PLB1: variants seen among roughly 807,000 people sequenced by gnomAD.
PLB1 encodes phospholipase B1.
A neutral mutation model predicts 227.4 loss-of-function variants in PLB1; 242 were observed. The observed-to-expected ratio is 1.06, with a 90% CI of 0.96 to 1.18. The LOEUF (loss-of-function observed/expected upper bound fraction) is 1.18, where lower values mean the gene tolerates loss of function less well. Ranked by LOEUF, PLB1 falls within the 50% of genes most tolerant of loss-of-function variation. The pLI is 0.00. For synonymous variants in PLB1, 757 were observed against 682.2 expected, an observed-to-expected ratio of 1.11 and a Z score of -1.71; for missense variants, 1,858 against 1,816.3, an observed-to-expected ratio of 1.02 and a Z score of -0.42.
intron 14 of PLB1, among the ~76,000 whole-genome samples, chr2:28,547,754 C>A (rs10865501): frequency 0.88 from 134,663 of 152,212 alleles, 59,905 homozygotes; most frequent in East Asian, 0.99. Context: ...AGGAAATAGC[C>A]CGTGCAGAAG....
At position 28,604,028 on chromosome 2, in the gene PLB1, C is replaced by A. The variant is rs746256624; in HGVS notation, c.2837C>A (p.Ala946Asp). 1 of 1,614,020 alleles carries A rather than the reference C, an allele frequency of 6.2e-7. No individual in the cohort carries two copies. Residue 946 changes from alanine to aspartate, a missense_variant, in exon 40 of 58, where the codon GCC (alanine) becomes GAC (aspartate). Physicochemically the swap from Ala to Asp is moderately radical, Grantham distance 126. Transcript: ENST00000327757. ...TCCCAAGAGCTAGCCAGGCTGGAGG[C>A]CTTCAGCCGAGCCTACCGGGTAAGA... ...ENSQELARLE[A>D]FSRAYRSSMR... is the part of the protein sequence containing the mutation.
chr2:28,600,986 G>A (rs949778923), intron 36 of PLB1, 126 bp downstream of exon 36: 25 of 891,730 alleles, frequency 2.8e-5, no homozygotes, highest in Admixed American at 2.6e-4. Context: ...AGCAGTGGTC[G>A]GACAGCCCCC....
At chr2:28,632,276 C>A in intron 55 of PLB1, 136 bp downstream of exon 55, 1 of 674,932 alleles carries the variant, frequency 1.5e-6, no homozygotes, top group Non-Finnish European at 2.5e-6. Context: ...TGGCTTTTTC[C>A]ACATTACCTC....
chr2:28,554,050 A>T (rs1057399398), intron 17 of PLB1, among the ~76,000 whole-genome samples: 5 of 152,126 alleles, frequency 3.3e-5, no homozygotes, highest in African/African-American at 1.2e-4. Context: ...TCGGTATATA[A>T]CTGACTCTTG....
chr2:28,633,721 A>C (rs1688970254), intron 56 of PLB1, among the ~76,000 whole-genome samples: 1 of 152,236 alleles, frequency 6.6e-6, no homozygotes. Flanking sequence ...GGCCACCAGC[A>C]ACTGAATGGT....
At chr2:28,567,469 C>CTTTTTTTTTTTTTTTTTTTTTTTTTTTTT (rs57787583) in intron 20 of PLB1, among the ~76,000 whole-genome samples, 2 of 108,088 alleles carry the variant, frequency 1.9e-5, no homozygotes, top group Non-Finnish European at 3.5e-5. Context: ...ATTTCTTTCT[C>CTTTTTTTTTTTTTTTTTTTTTTTTTTTTT]TTTTTTTTTT....
chr2:28,531,783 T>G (rs1430190035), intron 8 of PLB1, among the ~76,000 whole-genome samples: 2 of 152,242 alleles, frequency 1.3e-5, no homozygotes, highest in African/African-American at 2.4e-5. Context: ...TTTTTCCTTC[T>G]TATGCATAAG....
intron 49 of PLB1, among the ~76,000 whole-genome samples, chr2:28,622,453 C>T: frequency 6.6e-6 from 1 of 152,200 alleles, no homozygotes; most frequent in South Asian, 2.1e-4. Context: ...ACCAAAAAAG[C>T]AGTACAGTAC....
intron 43 of PLB1, among the ~76,000 whole-genome samples, chr2:28,609,570 A>T (rs35720543): frequency 6.6e-6 from 1 of 152,116 alleles, no homozygotes; most frequent in African/African-American, 2.4e-5. Context: ...TGAATTACAT[A>T]TAAGTGACAT....
intron 35 of PLB1, 33 bp downstream of exon 35, chr2:28,598,793 A>G: frequency 1.3e-6 from 2 of 1,563,858 alleles, no homozygotes; most frequent in Non-Finnish European, 1.8e-6. Flanking sequence ...GAGCCTGCAG[A>G]GCAGGGAGTG....
At chr2:28,628,660 G>A (rs754584166) in intron 52 of PLB1, 32 bp downstream of exon 52, 12 of 1,602,774 alleles carry the variant, frequency 7.5e-6, no homozygotes, top group East Asian at 6.7e-5. Flanking sequence ...CCTGGGTCCC[G>A]CCAGCCACCT....
intron 11 of PLB1, among the ~76,000 whole-genome samples, chr2:28,539,461 T>C (rs1672165212): frequency 6.6e-6 from 1 of 152,214 alleles, no homozygotes; most frequent in African/African-American, 2.4e-5. Flanking sequence ...GCCAGAGTGA[T>C]TTCAGAGTTC....
chr2:28,558,431 A>G (rs1470914621), intron 17 of PLB1, among the ~76,000 whole-genome samples: 2 of 152,188 alleles, frequency 1.3e-5, no homozygotes, highest in Non-Finnish European at 2.9e-5. Context: ...AAACCACTCT[A>G]GAGTTGGAGG....
Position 28,598,042 on chromosome 2 carries a change from T to C in PLB1, c.2359T>C (p.Leu787=). The C allele has an allele frequency of 1.2e-6, 2 of 1,612,772 alleles. No individual in the cohort carries two copies. Among genetic ancestry groups the C allele is most frequent in the Non-Finnish European group, 1.7e-6 (2 of 1,179,038 alleles). ...CGGCTCCCTGGAGAATGTGACCACC[T>C]TACCTAGTAAGTAACCATCAGGGGC... ...GDGSLENVTT[L]PNILREFNRN... The change falls in exon 34 of 58, where the codon TTA becomes CTA. Residue 787 remains leucine, a synonymous_variant. Transcript: ENST00000327757.
intron 20 of PLB1, among the ~76,000 whole-genome samples, chr2:28,570,109 T>C (rs1677759497): frequency 6.6e-6 from 1 of 152,112 alleles, no homozygotes; most frequent in Non-Finnish European, 1.5e-5. Flanking sequence ...AACATTAGTA[T>C]CAATTACTAG....
intron 25 of PLB1, among the ~76,000 whole-genome samples, chr2:28,585,413 C>T (rs1432650087): frequency 1.3e-5 from 2 of 152,010 alleles, no homozygotes; most frequent in African/African-American, 2.4e-5. Flanking sequence ...GTAGCTGGGA[C>T]CACAGGCATG....
chr2:28,507,175 TG>T (rs1667728661), intron 1 of PLB1, among the ~76,000 whole-genome samples: 1 of 152,206 alleles, frequency 6.6e-6, no homozygotes, highest in South Asian at 2.1e-4. Flanking sequence ...CGTCAAGGTC[TG>T]CTTGTTCGTC....
At chr2:28,618,582 A>C (rs546649096) in intron 46 of PLB1, 183 bp downstream of exon 46, 1 of 615,174 alleles carries the variant, frequency 1.6e-6, no homozygotes, top group Admixed American at 2.8e-5. Flanking sequence ...CCACCTTCCC[A>C]GTTCTGCTCA....
intron 7 of PLB1, 99 bp downstream of exon 7, chr2:28,529,506 T>TA (rs970177807): frequency 3.6e-6 from 4 of 1,105,518 alleles, no homozygotes; most frequent in African/African-American, 3.1e-5. Flanking sequence ...CAAAGAGGCT[T>TA]AAAAATAGAA....
Sources: gnomAD v4.1 joint callset for allele counts (sites outside exome capture counted in the v4.1 genomes callset) on GRCh38, gnomAD v4.1.1 for gene constraint, MANE v1.5 for transcripts, NCBI Gene and HGNC (gene_info 2026-07-23, HGNC 2026-07-21) for gene names.